FARP1: variants seen among roughly 807,000 people sequenced by gnomAD.
FARP1 encodes the protein FERM, ARH/RhoGEF and pleckstrin domain protein 1.
A neutral mutation model predicts 128.8 loss-of-function variants in FARP1; 52 were observed. The ratio of observed to expected loss-of-function variants is 0.40; its 90% CI spans 0.32 to 0.51. FARP1 has a LOEUF of 0.51. Ranked by LOEUF, FARP1 falls within the 20% of genes least tolerant of loss-of-function variation. FARP1 has a pLI of 0.45. For missense variants in FARP1, 1,333 were observed against 1,367.9 expected (o/e 0.97, Z 0.40); for synonymous variants, 580 against 551.8 (o/e 1.05, Z -0.72).
intron 1 of FARP1, among the ~76,000 whole-genome samples, chr13:98,152,741 A>G (rs896044278): frequency 9.1e-5 from 13 of 142,302 alleles, no homozygotes; most frequent in Non-Finnish European, 1.8e-4. Context: ...CTATGAGAAA[A>G]CTGATTTCTA....
At chr13:98,153,963 TC>T (rs1388613529) in intron 1 of FARP1, among the ~76,000 whole-genome samples, 4 of 152,306 alleles carry the variant, frequency 2.6e-5, no homozygotes, top group South Asian at 4.1e-4. Context: ...GCACCCCCAG[TC>T]CCTGTTAACC....
chr13:98,376,266 C>T (rs573296170), intron 5 of FARP1, among the ~76,000 whole-genome samples: 2 of 152,160 alleles, frequency 1.3e-5, no homozygotes, highest in East Asian at 3.9e-4. Flanking sequence ...TTAACTATCC[C>T]CACTCCCTCT....
intron 1 of FARP1, among the ~76,000 whole-genome samples, chr13:98,199,746 T>C (rs1034781456): frequency 2.6e-5 from 4 of 152,166 alleles, no homozygotes; most frequent in Non-Finnish European, 4.4e-5. Context: ...CCTGTTTACA[T>C]TGCAGTGACC....
chr13:98,394,917 C>T (rs1275444945), intron 12 of FARP1, among the ~76,000 whole-genome samples: 3 of 152,158 alleles, frequency 2.0e-5, no homozygotes, highest in Admixed American at 2.0e-4. Flanking sequence ...AGAGTAAGAT[C>T]CTGTCTCCCC....
At chr13:98,339,443 C>T (rs1218781235) in intron 2 of FARP1, among the ~76,000 whole-genome samples, 6 of 152,162 alleles carry the variant, frequency 3.9e-5, no homozygotes, top group Admixed American at 6.5e-5. Flanking sequence ...GTCCTTCCCC[C>T]AACATTGGGA....
chr13:98,190,520 G>A (rs1389098922), intron 1 of FARP1, among the ~76,000 whole-genome samples: 1 of 152,048 alleles, frequency 6.6e-6, no homozygotes, highest in Non-Finnish European at 1.5e-5. Flanking sequence ...TTCCTTCCCA[G>A]CTGGGAAATG....
At chr13:98,436,263 C>T (rs1483134377) in intron 19 of FARP1, among the ~76,000 whole-genome samples, 2 of 152,150 alleles carry the variant, frequency 1.3e-5, no homozygotes, top group East Asian at 1.9e-4. Context: ...GCCTGAGATG[C>T]AGGTGATTCC....
In FARP1 at chr13:98,262,069, G is replaced by A. The variant is rs1196179006; in HGVS notation, c.171+48656G>A. 2.1e-5 allele frequency among the ~76,000 whole-genome samples: 3 copies of A among 146,210 alleles called. 1 individual carries two copies. Among genetic ancestry groups the A allele is most frequent in the African/African-American group, 5.1e-5 (2 of 39,314 alleles). ...CTTACTCTGTCACCCAGGCTGGAGT[G>A]CAGTGGTGTGATCTCAGCTCACTGC... On this transcript the variant is annotated intron_variant, in intron 2 of 26. Transcript: ENST00000319562.
chr13:98,196,077 A>G (rs893869390), intron 1 of FARP1, among the ~76,000 whole-genome samples: 1 of 152,148 alleles, frequency 6.6e-6, no homozygotes, highest in African/African-American at 2.4e-5. Flanking sequence ...TCTAGTACAC[A>G]TTTTGATAAT....
At chr13:98,359,485 C>T (rs1011962831) in intron 3 of FARP1, among the ~76,000 whole-genome samples, 5 of 152,184 alleles carry the variant, frequency 3.3e-5, no homozygotes, top group African/African-American at 9.7e-5. Context: ...AGGAGAACAG[C>T]TTTGGGGATA....
intron 2 of FARP1, chr13:98,338,623 C>T (rs1425550513): frequency 2.0e-5 from 3 of 152,192 alleles, no homozygotes; most frequent in South Asian, 2.1e-4. Flanking sequence ...CTTCTGTGAA[C>T]GTGGATTTAC....
At chr13:98,432,962 G>C (rs758377343) in intron 18 of FARP1, 1 of 152,272 alleles carries the variant, frequency 6.6e-6, no homozygotes, top group Non-Finnish European at 1.5e-5. Flanking sequence ...GTGTTGGGGG[G>C]ATCTCGAAGG....
intron 13 of FARP1, chr13:98,396,638 G>C (rs1890561143): frequency 2.5e-6 from 1 of 397,630 alleles, no homozygotes; most frequent in East Asian, 3.6e-5. Context: ...GAAAGAGTCT[G>C]CCTGACTTCT....
chr13:98,183,776 C>G (rs1878682539), intron 1 of FARP1, among the ~76,000 whole-genome samples: 1 of 152,162 alleles, frequency 6.6e-6, no homozygotes, highest in Non-Finnish European at 1.5e-5. Flanking sequence ...CCTGCTCATA[C>G]TCGCTGCCTC....
intron 2 of FARP1, among the ~76,000 whole-genome samples, chr13:98,293,039 G>T (rs993135522): frequency 6.6e-6 from 1 of 152,060 alleles, no homozygotes; most frequent in Non-Finnish European, 1.5e-5. Context: ...AGCAGAGGTG[G>T]AGTGAATTTT....
intron 2 of FARP1, among the ~76,000 whole-genome samples, chr13:98,291,727 C>T (rs1885456569): frequency 6.6e-6 from 1 of 152,210 alleles, no homozygotes; most frequent in South Asian, 2.1e-4. Flanking sequence ...CCTCCCTCCC[C>T]ACCTTCTCAT....
rs754400207 is a variant in FARP1, at chr13:98,431,055, C to T, written c.1918C>T (p.His640Tyr). ...GTTGCCTCCCAAGCACCTGGCGGCT[C>T]ACCTGTGGAAGCACAGCGAGGCCTT... ...NIQGMKHLAA[H>Y]LWKHSEALEA... The change falls in exon 18 of 27, where the codon CAC (histidine) becomes TAC (tyrosine). Residue 640 changes from histidine (H) to tyrosine (Y), a missense_variant. Physicochemically the swap from His to Tyr is moderately conservative, Grantham distance 83. This residue lies in a region of FARP1 where 1,009 missense variants were observed against 969.8 expected (regional missense o/e 1.04). Transcript: ENST00000319562. 6.2e-7 allele frequency: 1 copy of T among 1,613,290 alleles called. No homozygotes were observed. The highest frequency in any genetic ancestry group is 1.1e-5 in the South Asian group (1 of 90,998).
In FARP1 at chr13:98,373,538, AC is replaced by A. The variant is rs1388480459; in HGVS notation, c.399-4282del. Among the ~76,000 whole-genome samples the A allele has an allele frequency of 2.1e-3, 201 of 96,908 alleles. 3 individuals carry two copies. The highest frequency in any genetic ancestry group is 4.6e-3 in the Non-Finnish European group (186 of 40,638). The allele number at this position is 96,908 out of a possible 152,430, so 63.6% of individuals were successfully genotyped here. On this transcript the variant is annotated intron_variant, in intron 5 of 26. Coordinates refer to ENST00000319562, the MANE Select transcript of FARP1 (RefSeq NM_005766.4). ...TTTCCAGAGACAGACAGACAGACAC[AC>A]ACACACACACACACACACACACACA...
chr13:98,392,323 C>CAAAAAAAAAAAAA (rs11289484), intron 11 of FARP1, among the ~76,000 whole-genome samples: 19 of 60,422 alleles, frequency 3.1e-4, no homozygotes, highest in Admixed American at 7.9e-4. Flanking sequence ...CATCTCTACC[C>CAAAAAAAAAAAAA]AAAAAAAAAA....
Sources: gnomAD v4.1 joint callset for allele counts (sites outside exome capture counted in the v4.1 genomes callset) on GRCh38, gnomAD v4.1.1 for gene constraint, gnomAD v4.1.1 regional missense constraint, MANE v1.5 for transcripts, NCBI Gene and HGNC (gene_info 2026-07-23, HGNC 2026-07-21) for gene names.